The following HTT variants were observed in gnomAD, a reference collection of about 807,000 sequenced individuals.
HTT encodes the protein huntington disease protein.
Under a neutral mutation model 362.3 loss-of-function variants are expected in HTT, and 104 were observed. The observed-to-expected ratio is 0.29, with a 90% confidence interval of 0.24 to 0.34. The LOEUF (loss-of-function observed/expected upper bound fraction) is 0.34, where lower values mean the gene tolerates loss of function less well. Among genes scored for constraint, HTT ranks in the 10% least tolerant of loss-of-function variants. HTT has a pLI of 1.00. For synonymous variants in HTT, 1,577 were observed against 1,548.7 expected, an observed-to-expected ratio of 1.02 and a Z score of -0.43; for missense variants, 3,301 against 3,928.6, an observed-to-expected ratio of 0.84 and a Z score of 4.27.
At chr4:3,078,752 C>T (rs1010934360) in intron 1 of HTT, among the ~76,000 whole-genome samples, 11 of 149,662 alleles carry the variant, frequency 7.3e-5, no homozygotes, top group African/African-American at 2.2e-4. Context: ...TTTTTTCCCC[C>T]GAGACGGAGT....
intron 2 of HTT, among the ~76,000 whole-genome samples, chr4:3,088,858 T>C (rs1393680642): frequency 6.6e-6 from 1 of 152,248 alleles, no homozygotes; most frequent in East Asian, 1.9e-4. Flanking sequence ...GTTTGTGAAA[T>C]ACTGTGTATG....
chr4:3,229,544 A>G (rs997979079), intron 59 of HTT, among the ~76,000 whole-genome samples: 2 of 148,544 alleles, frequency 1.3e-5, no homozygotes, highest in Middle Eastern at 3.5e-3. Flanking sequence ...CACATGCCAC[A>G]CACACATGCA....
chr4:3,117,111 G>A (rs1015000388), intron 8 of HTT, among the ~76,000 whole-genome samples: 6 of 152,196 alleles, frequency 3.9e-5, no homozygotes, highest in Admixed American at 6.5e-5. Flanking sequence ...TAAGTGCTGC[G>A]TGTTGATAAA....
intron 3 of HTT, among the ~76,000 whole-genome samples, chr4:3,101,967 T>A (rs900820978): frequency 2.6e-5 from 4 of 152,226 alleles, no homozygotes; most frequent in African/African-American, 9.6e-5. Context: ...CTGTGGAGGC[T>A]GAACCCATCT....
At chr4:3,103,905 T>A (rs780581292) in intron 4 of HTT, 22 bp downstream of exon 4, 489 of 1,503,964 alleles carry the variant, frequency 3.3e-4, no homozygotes, top group Non-Finnish European at 4.2e-4. Flanking sequence ...TTTTCTTTTT[T>A]AAAAATGTTT....
At chr4:3,098,572 G>T (rs1713987617) in intron 2 of HTT, among the ~76,000 whole-genome samples, 1 of 152,106 alleles carries the variant, frequency 6.6e-6, no homozygotes, top group Non-Finnish European at 1.5e-5. Flanking sequence ...GCTCTCTCTT[G>T]GCTTTGTTTA....
intron 4 of HTT, among the ~76,000 whole-genome samples, chr4:3,104,952 A>G (rs1275108242): frequency 6.6e-6 from 1 of 152,146 alleles, no homozygotes; most frequent in Admixed American, 6.5e-5. Flanking sequence ...TCGACTATAT[A>G]TTATTGTCTA....
intron 65 of HTT, 102 bp from the exon 66 acceptor site, chr4:3,238,716 C>A: frequency 1.4e-6 from 2 of 1,439,650 alleles, no homozygotes; most frequent in Non-Finnish European, 1.9e-6. Flanking sequence ...CGCTTTAAAG[C>A]AGCAATGCCT....
intron 26 of HTT, among the ~76,000 whole-genome samples, chr4:3,153,029 T>C (rs938604838): frequency 1.3e-5 from 2 of 152,108 alleles, no homozygotes; most frequent in Admixed American, 6.6e-5. Flanking sequence ...CATCCTATTA[T>C]GGTTTAAGGT....
At chr4:3,094,051 A>G (rs1713678422) in intron 2 of HTT, among the ~76,000 whole-genome samples, 1 of 151,838 alleles carries the variant, frequency 6.6e-6, no homozygotes, top group Admixed American at 6.6e-5. Flanking sequence ...TTTCCTAGGC[A>G]GAGGGCCCTG....
chr4:3,076,364 G>A (rs28485764), intron 1 of HTT, among the ~76,000 whole-genome samples: 12,471 of 152,096 alleles, frequency 0.082, 1,041 homozygotes, highest in African/African-American at 0.21. Flanking sequence ...GAATATCTCT[G>A]TTAAGACTGA....
chr4:3,154,847 G>T (rs1717065259), intron 27 of HTT, among the ~76,000 whole-genome samples: 1 of 152,262 alleles, frequency 6.6e-6, no homozygotes, highest in South Asian at 2.1e-4. Context: ...ATTTGGAAGA[G>T]CTAAAGGCGA....
Position 3,213,940 on chromosome 4 carries a change from C to A in HTT, c.6775-18C>A. On this transcript the variant is annotated intron_variant, in intron 49 of 66. Coordinates refer to ENST00000355072, the MANE Select transcript of HTT (RefSeq NM_001388492.1). Reference sequence around the variant, plus strand: ...AGGTACACGAGTGGGCATTCTGTGACTCGGTACTTCCCTTTAGGCCCTGTC... The same window carrying A: ...AGGTACACGAGTGGGCATTCTGTGAATCGGTACTTCCCTTTAGGCCCTGTC... 6.6e-7 allele frequency: 1 copy of A among 1,509,754 alleles called. No homozygotes were observed. Among genetic ancestry groups the A allele is most frequent in the Non-Finnish European group, 8.9e-7 (1 of 1,119,572 alleles). 93.5% of individuals were successfully genotyped at this position (1,509,754 alleles called of 1,614,324 possible).
chr4:3,146,988 A>G (rs1716633948), intron 25 of HTT, 40 bp downstream of exon 25: 1 of 1,606,878 alleles, frequency 6.2e-7, no homozygotes, highest in African/African-American at 1.3e-5. Flanking sequence ...CAGGACTTGG[A>G]TTTTGATTTC....
At chr4:3,180,486 C>CT in intron 35 of HTT, 29 bp from the exon 36 acceptor site, 2 of 1,524,292 alleles carry the variant, frequency 1.3e-6, no homozygotes, top group Non-Finnish European at 1.8e-6. Flanking sequence ...CATGAAATGC[C>CT]TGATAAGGGT....
chr4:3,117,945 A>G (rs553578070), intron 8 of HTT, among the ~76,000 whole-genome samples: 2 of 152,136 alleles, frequency 1.3e-5, no homozygotes, highest in South Asian at 4.2e-4. Flanking sequence ...TTTTCTCTCT[A>G]CTCTTTTGGA....
Position 3,173,145 on chromosome 4 carries a change from C to G in HTT, c.4166+14C>G. 1 of 1,603,134 alleles carries G rather than the reference C, an allele frequency of 6.2e-7. No individual in the cohort carries two copies. The highest frequency in any genetic ancestry group is 1.1e-5 in the South Asian group (1 of 90,872). ...CGACACCTCGGGGTAACAGTTGTGG[C>G]AAGAATGCTGTCGTTGGTGGAAGCA... On this transcript the variant is annotated intron_variant, in intron 31 of 66. Coordinates refer to ENST00000355072, the MANE Select transcript of HTT (RefSeq NM_001388492.1).
Sources: allele counts gnomAD v4.1 joint callset (sites outside exome capture counted in the v4.1 genomes callset), GRCh38; gene constraint gnomAD v4.1.1; transcripts MANE v1.5; gene names NCBI Gene and HGNC (gene_info 2026-07-23, HGNC 2026-07-21).